The following TENM2 variants were observed in gnomAD, a reference collection of about 807,000 sequenced individuals.
TENM2 encodes teneurin transmembrane protein 2, also known as teneurin-2.
A neutral mutation model predicts 245.2 loss-of-function variants in TENM2; 52 were observed. The observed-to-expected ratio is 0.21, with a 90% CI of 0.17 to 0.27. The LOEUF (loss-of-function observed/expected upper bound fraction) is 0.27. Among genes scored for constraint, TENM2 ranks in the 10% least tolerant of loss-of-function variants. TENM2 has a pLI of 1.00. For missense variants in TENM2, 3,046 were observed against 3,666.8 expected (o/e 0.83, Z 4.37); for synonymous variants, 1,363 against 1,438.9 (o/e 0.95, Z 1.19).
chr5:167,945,408 C>T (rs1014363025), intron 3 of TENM2, among the ~76,000 whole-genome samples: 7 of 152,158 alleles, frequency 4.6e-5, no homozygotes, highest in Non-Finnish European at 1.0e-4. Context: ...TCAGTCTCCT[C>T]ATCTTTAAAG....
chr5:168,131,121 G>A (rs2152375694), intron 12 of TENM2, among the ~76,000 whole-genome samples: 1 of 152,302 alleles, frequency 6.6e-6, no homozygotes, highest in East Asian at 1.9e-4. Context: ...GGGGAATCAA[G>A]GAGGGATGCT....
chr5:167,907,524 AATAT>A (rs56159044), intron 3 of TENM2, among the ~76,000 whole-genome samples: 2,573 of 77,398 alleles, frequency 0.033, 37 homozygotes, highest in Non-Finnish European at 0.047. Context: ...GATCACCCTA[AATAT>A]ATATATATAT....
intron 2 of TENM2, among the ~76,000 whole-genome samples, chr5:167,618,127 C>T (rs964008144): frequency 5.3e-5 from 8 of 152,072 alleles, no homozygotes; most frequent in Admixed American, 3.9e-4. Context: ...CAGCAACATA[C>T]GATGGTGATA....
At chr5:167,414,891 G>A (rs911029363) in intron 2 of TENM2, among the ~76,000 whole-genome samples, 14 of 152,082 alleles carry the variant, frequency 9.2e-5, no homozygotes, top group African/African-American at 2.7e-4. Flanking sequence ...GGAAGAATCC[G>A]ATATTCAAAT....
intron 3 of TENM2, among the ~76,000 whole-genome samples, chr5:167,880,706 TA>T (rs1184036476): frequency 6.6e-6 from 1 of 152,182 alleles, no homozygotes; most frequent in Non-Finnish European, 1.5e-5. Flanking sequence ...TAACCTCCCT[TA>T]AATAAGACAT....
the TENM2 span, among the ~76,000 whole-genome samples, chr5:167,217,030 TA>T: frequency 6.6e-6 from 1 of 152,228 alleles, no homozygotes; most frequent in Non-Finnish European, 1.5e-5. Context: ...CATTTTCTAA[TA>T]AATTATTGAT....
chr5:167,689,267 TC>T (rs949654609), intron 2 of TENM2, among the ~76,000 whole-genome samples: 8 of 152,110 alleles, frequency 5.3e-5, no homozygotes, highest in Non-Finnish European at 1.0e-4. Flanking sequence ...AGCAGCACAT[TC>T]TAAAACAGTG....
the TENM2 span, among the ~76,000 whole-genome samples, chr5:167,229,001 C>T: frequency 6.6e-6 from 1 of 152,164 alleles, no homozygotes; most frequent in East Asian, 1.9e-4. Context: ...CGTCCGGCCC[C>T]AGTTTTGTAA....
At chr5:167,812,595 T>C (rs1766721163) in intron 2 of TENM2, among the ~76,000 whole-genome samples, 1 of 152,220 alleles carries the variant, frequency 6.6e-6, no homozygotes, top group African/African-American at 2.4e-5. Flanking sequence ...GTTGCATTCT[T>C]TAAGCGCCAG....
intron 2 of TENM2, among the ~76,000 whole-genome samples, chr5:167,738,017 A>T (rs1026279770): frequency 6.6e-6 from 1 of 152,212 alleles, no homozygotes. Context: ...CAACCCTTCC[A>T]TGCTAAACTC....
intron 3 of TENM2, among the ~76,000 whole-genome samples, chr5:167,951,688 G>C (rs1009003862): frequency 6.6e-6 from 1 of 152,144 alleles, no homozygotes; most frequent in Non-Finnish European, 1.5e-5. Flanking sequence ...CTTCTCCAGA[G>C]ACCGAGTCCT....
rs575038106 is a variant in TENM2 at position 168,052,475 on chromosome 5, T to C, written c.1309+4926T>C. Among the ~76,000 whole-genome samples the C allele has an allele frequency of 2.6e-5, 4 of 152,108 alleles. No individual in the cohort carries two copies. The East Asian group carries it at 5.8e-4, about 22-fold the overall frequency. The stretch of plus-strand genomic sequence containing the variant: ...ATATACACACACACATATACACACA[T>C]ATATATGTATATATATAAAATAAAA... On this transcript the variant is annotated intron_variant, in intron 6 of 28. Coordinates refer to ENST00000518659, the Ensembl canonical transcript of TENM2.
the TENM2 span, among the ~76,000 whole-genome samples, chr5:167,222,211 G>T: frequency 6.6e-6 from 1 of 152,162 alleles, no homozygotes; most frequent in Admixed American, 6.5e-5. Flanking sequence ...TGATCCCTCT[G>T]CACAGATGAT....
intron 2 of TENM2, among the ~76,000 whole-genome samples, chr5:167,393,466 T>C (rs984108045): frequency 6.6e-6 from 1 of 152,082 alleles, no homozygotes; most frequent in Non-Finnish European, 1.5e-5. Flanking sequence ...GGTGTGGCAT[T>C]TCAGTCAGGT....
At chr5:167,021,679 A>T in the TENM2 span, among the ~76,000 whole-genome samples, 1 of 152,204 alleles carries the variant, frequency 6.6e-6, no homozygotes, top group Admixed American at 6.5e-5. Flanking sequence ...GTGTTCTGTA[A>T]AACTGATGGA....
At chr5:167,190,936 A>G in the TENM2 span, among the ~76,000 whole-genome samples, 1 of 152,122 alleles carries the variant, frequency 6.6e-6, no homozygotes, top group Non-Finnish European at 1.5e-5. Context: ...ATTTGCATAT[A>G]CATGTGTTTA....
chr5:167,383,276 G>A (rs10069563), intron 2 of TENM2, among the ~76,000 whole-genome samples: 59,366 of 151,916 alleles, frequency 0.39, 13,577 homozygotes, highest in African/African-American at 0.65. Context: ...ATATAGTTTT[G>A]GGGGGAGAGA....
chr5:167,897,462 C>A (rs1775310919), intron 3 of TENM2, among the ~76,000 whole-genome samples: 1 of 152,212 alleles, frequency 6.6e-6, no homozygotes, highest in Non-Finnish European at 1.5e-5. Context: ...AAAATCAGGT[C>A]TTAAAAAGAT....
At chr5:168,154,322 T>C (rs1270421226) in intron 12 of TENM2, among the ~76,000 whole-genome samples, 1 of 152,038 alleles carries the variant, frequency 6.6e-6, no homozygotes, top group Non-Finnish European at 1.5e-5. Flanking sequence ...CTTCAAGCAA[T>C]TCTCCTGCCT....
Sources: gnomAD v4.1 joint callset for allele counts (sites outside exome capture counted in the v4.1 genomes callset) on GRCh38, gnomAD v4.1.1 for gene constraint, MANE v1.5 for transcripts, NCBI Gene and HGNC (gene_info 2026-07-23, HGNC 2026-07-21) for gene names.